The following KCNN2 variants were observed in gnomAD, a reference collection of about 807,000 sequenced individuals.
KCNN2 encodes potassium calcium-activated channel subfamily N member 2, also known as small conductance calcium-activated potassium channel protein 2.
KCNN2 carries 24 observed loss-of-function variants against 55.5 expected under a neutral mutation model. The observed-to-expected ratio is 0.43, with a 90% CI of 0.31 to 0.61. The LOEUF (loss-of-function observed/expected upper bound fraction) is 0.61. Ranked by LOEUF, KCNN2 falls within the 20% of genes least tolerant of loss-of-function variation. The probability of loss-of-function intolerance (pLI) is 0.08; values close to 1 mark genes in which losing one functional copy is unlikely to be tolerated. For missense variants in KCNN2, 754 were observed against 853.6 expected, an observed-to-expected ratio of 0.88 and a Z score of 1.45; for synonymous variants, 431 against 336.1, an observed-to-expected ratio of 1.28 and a Z score of -3.09.
chr5:114,290,702 A>G (rs775426813), intron 2 of KCNN2, among the ~76,000 whole-genome samples: 1 of 152,120 alleles, frequency 6.6e-6, no homozygotes, highest in Non-Finnish European at 1.5e-5. Context: ...CCAGCCTTGC[A>G]TAGAAATAGA....
chr5:114,391,502 T>G (rs1168359761), intron 2 of KCNN2, among the ~76,000 whole-genome samples: 1 of 151,926 alleles, frequency 6.6e-6, no homozygotes, highest in Non-Finnish European at 1.5e-5. Flanking sequence ...TCCAAAATGT[T>G]GTGTGTGTGT....
chr5:114,225,569 C>T (rs1400392809), intron 2 of KCNN2, among the ~76,000 whole-genome samples: 1 of 151,940 alleles, frequency 6.6e-6, no homozygotes, highest in East Asian at 1.9e-4. Flanking sequence ...CAGAACAGTG[C>T]TTGATACATA....
chr5:114,268,399 C>T (rs879301724), intron 2 of KCNN2, among the ~76,000 whole-genome samples: 5 of 152,370 alleles, frequency 3.3e-5, no homozygotes, highest in Non-Finnish European at 5.9e-5. Context: ...AAAAACACAG[C>T]TTGCAAAGCT....
At chr5:114,123,480 A>G (rs1488537845) in intron 1 of KCNN2, among the ~76,000 whole-genome samples, 1 of 110,496 alleles carries the variant, frequency 9.1e-6, no homozygotes, top group Non-Finnish European at 1.8e-5. Flanking sequence ...CTCCTGTCTC[A>G]GCCTCCCGCG....
At position 114,285,283 on chromosome 5, in the gene KCNN2, CAAAAAA is replaced by C. The variant is rs70976334; in HGVS notation, c.-185+63736_-185+63741del. 1.2e-4 allele frequency among the ~76,000 whole-genome samples: 7 copies of C among 56,290 alleles called. No individual in the cohort carries two copies. The South Asian group carries it at 5.4e-3, about 44-fold the overall frequency. 36.9% of individuals were successfully genotyped at this position (56,290 alleles called of 152,430 possible). Reference sequence around the variant, plus strand: ...TGGTGACACAGCGAGACTCCATCTCCAAAAAAAAAAAAAAAAAAAAAAAGAGAGACA... The same window carrying C: ...TGGTGACACAGCGAGACTCCATCTCCAAAAAAAAAAAAAAAAAGAGAGACA... On this transcript the variant is annotated intron_variant, in intron 2 of 10. Coordinates refer to the KCNN2 transcript ENST00000512097.
chr5:114,361,523 G>A (rs760489932), upstream of KCNN2, among the ~76,000 whole-genome samples: 7 of 152,236 alleles, frequency 4.6e-5, no homozygotes, highest in Non-Finnish European at 7.3e-5. Flanking sequence ...CGGGCAGCCG[G>A]CAGCCCACTC....
At chr5:114,335,541 A>G (rs1394989137) in intron 2 of KCNN2, among the ~76,000 whole-genome samples, 2 of 152,124 alleles carry the variant, frequency 1.3e-5, no homozygotes, top group African/African-American at 4.8e-5. Context: ...CCTAATTCTG[A>G]GAATATTAAT....
intron 3 of KCNN2, among the ~76,000 whole-genome samples, chr5:114,461,383 G>A (rs1761182463): frequency 6.6e-6 from 1 of 152,148 alleles, no homozygotes. Flanking sequence ...GGTGATTTCT[G>A]CACCTCTGCC....
chr5:114,157,630 A>G (rs1460934174), intron 1 of KCNN2, among the ~76,000 whole-genome samples: 1 of 152,170 alleles, frequency 6.6e-6, no homozygotes, highest in Non-Finnish European at 1.5e-5. Context: ...TAACAGTATA[A>G]AAGCGTTCCT....
intron 1 of KCNN2, among the ~76,000 whole-genome samples, chr5:114,219,019 AC>A (rs1414044137): frequency 6.6e-6 from 1 of 152,190 alleles, no homozygotes; most frequent in Non-Finnish European, 1.5e-5. Flanking sequence ...AACTCCATTT[AC>A]TTGGCTCACC....
At chr5:114,268,023 T>G (rs1360745179) in intron 2 of KCNN2, among the ~76,000 whole-genome samples, 19 of 152,186 alleles carry the variant, frequency 1.2e-4, no homozygotes. Flanking sequence ...TAAATGCCAC[T>G]TCCTTCTGAT....
At chr5:114,347,690 A>C (rs953344143) in intron 2 of KCNN2, among the ~76,000 whole-genome samples, 2 of 152,214 alleles carry the variant, frequency 1.3e-5, no homozygotes, top group Non-Finnish European at 2.9e-5. Flanking sequence ...ACTCTTGATA[A>C]AATATGTAAT....
At chr5:114,256,087 G>C (rs1396630103) in intron 2 of KCNN2, among the ~76,000 whole-genome samples, 1 of 152,012 alleles carries the variant, frequency 6.6e-6, no homozygotes, top group East Asian at 1.9e-4. Flanking sequence ...AGTTACAAGT[G>C]GAATGTGCAG....
intron 3 of KCNN2, among the ~76,000 whole-genome samples, chr5:114,456,828 AAG>A (rs1275711449): frequency 6.6e-6 from 1 of 152,176 alleles, no homozygotes; most frequent in Non-Finnish European, 1.5e-5. Context: ...ATATTAATAG[AAG>A]TAGAGCCTGA....
At chr5:114,150,575 A>G (rs575799061) in intron 1 of KCNN2, among the ~76,000 whole-genome samples, 1 of 152,318 alleles carries the variant, frequency 6.6e-6, no homozygotes, top group East Asian at 1.9e-4. Context: ...CCTTTGGTCC[A>G]CTGGCCAGGG....
At chr5:114,209,102 G>T (rs577847582) in intron 1 of KCNN2, among the ~76,000 whole-genome samples, 1 of 151,746 alleles carries the variant, frequency 6.6e-6, no homozygotes, top group Non-Finnish European at 1.5e-5. Flanking sequence ...TGTTGCCCAG[G>T]CTGGAGTGCA....
chr5:114,158,928 A>G (rs1254478507), intron 1 of KCNN2, among the ~76,000 whole-genome samples: 4 of 152,224 alleles, frequency 2.6e-5, no homozygotes, highest in Non-Finnish European at 1.5e-5. Flanking sequence ...TTTTCTAGAT[A>G]TACAATCATG....
intron 5 of KCNN2, among the ~76,000 whole-genome samples, chr5:114,475,245 C>T (rs948209234): frequency 2.0e-5 from 3 of 151,744 alleles, no homozygotes; most frequent in Non-Finnish European, 4.4e-5. Flanking sequence ...ATTCCAGGGC[C>T]TCTCAACCTT....
At chr5:114,158,621 C>T (rs1488700918) in intron 1 of KCNN2, among the ~76,000 whole-genome samples, 2 of 151,648 alleles carry the variant, frequency 1.3e-5, no homozygotes, top group Non-Finnish European at 2.9e-5. Context: ...GATATTGATT[C>T]TTCCTACCCA....
Sources: gnomAD v4.1 joint callset for allele counts (sites outside exome capture counted in the v4.1 genomes callset) on GRCh38, gnomAD v4.1.1 for gene constraint, MANE v1.5 for transcripts, NCBI Gene and HGNC (gene_info 2026-07-23, HGNC 2026-07-21) for gene names.